NHSL2: variants seen among roughly 807,000 people sequenced by gnomAD.
NHSL2 encodes NHS-like protein 2.
Under a neutral mutation model 53.4 loss-of-function variants are expected in NHSL2, and 27 were observed. The ratio of observed to expected loss-of-function variants is 0.51; its 90% confidence interval spans 0.37 to 0.70. The LOEUF (loss-of-function observed/expected upper bound fraction) is 0.70. Among genes scored for constraint, NHSL2 ranks in the 30% least tolerant of loss-of-function variants. The pLI, the probability that NHSL2 is intolerant of heterozygous loss-of-function variation, is 0.00. For synonymous variants in NHSL2, 408 were observed against 404.1 expected, an observed-to-expected ratio of 1.01 and a Z score of -0.12; for missense variants, 892 against 980.1, an observed-to-expected ratio of 0.91 and a Z score of 1.20.
intron 1 of NHSL2, among the ~76,000 whole-genome samples, chrX:71,916,221 A>G (rs1228452880): frequency 8.9e-6 from 1 of 111,761 alleles, no homozygotes; most frequent in Non-Finnish European, 1.9e-5. Context: ...ATTTTCTGTT[A>G]TTCTAGTAGA....
chrX:72,011,909 A>G (rs1451885797), intron 1 of NHSL2, among the ~76,000 whole-genome samples: 1 of 111,686 alleles, frequency 9.0e-6, no homozygotes, highest in African/African-American at 3.3e-5. Context: ...TGCCATCTGT[A>G]TATCTTCTTC....
intron 1 of NHSL2, among the ~76,000 whole-genome samples, chrX:72,121,316 G>T: frequency 8.9e-6 from 1 of 111,913 alleles, no homozygotes; most frequent in Non-Finnish European, 1.9e-5. Flanking sequence ...GGGTGCTAGT[G>T]TGGAAACATT....
chrX:72,046,276 A>G (rs2042305153), intron 1 of NHSL2, among the ~76,000 whole-genome samples: 1 of 111,877 alleles, frequency 8.9e-6, no homozygotes, highest in Non-Finnish European at 1.9e-5. Context: ...AAAAGTACTA[A>G]ATGGCACTAG....
At chrX:71,998,421 A>G (rs1195156666) in intron 1 of NHSL2, among the ~76,000 whole-genome samples, 1 of 111,670 alleles carries the variant, frequency 9.0e-6, no homozygotes, top group East Asian at 2.8e-4. Context: ...AAGGCATCTG[A>G]GGTAGGAACA....
intron 1 of NHSL2, among the ~76,000 whole-genome samples, chrX:72,101,793 A>G (rs965024359): frequency 8.1e-5 from 9 of 110,846 alleles, no homozygotes; most frequent in African/African-American, 3.0e-4. Flanking sequence ...GCAGCCTAGA[A>G]ACTCTCAGTG....
At chrX:71,948,251 C>G (rs1170556685) in intron 1 of NHSL2, among the ~76,000 whole-genome samples, 1 of 111,896 alleles carries the variant, frequency 8.9e-6, no homozygotes, top group East Asian at 2.8e-4. Flanking sequence ...GGCAAATAAG[C>G]CCAGGATTTG....
At position 72,143,594 on chromosome X, in the gene NHSL2, G is replaced by C. The variant is rs1473217954; in HGVS notation, c.*20G>C. On this transcript the variant is annotated 3_prime_UTR_variant, in exon 8 of 8. Coordinates refer to ENST00000633930, the MANE Select transcript of NHSL2 (RefSeq NM_001013627.3). ...ACCTAAGCCCTGGGCTCAACAAGCA[G>C]GGTTTACTTACTAAACTTGAGTAGA... is the stretch of plus-strand genomic sequence containing the variant. 6.7e-6 allele frequency: 7 copies of C among 1,048,486 alleles called. No individual in the cohort carries two copies. The East Asian group carries it at 1.7e-4, about 25-fold the overall frequency. The allele number at this position is 1,048,486 out of a possible 1,213,427, so 86.4% of individuals were successfully genotyped here. A position where few individuals can be genotyped will look rare whatever the true frequency, so the allele number is the denominator to read the frequency against.
In NHSL2 at chrX:72,140,689, C is replaced by T. The variant is rs142614486; in HGVS notation, c.3141C>T (p.Ala1047=). The T allele has an allele frequency of 2.6e-3, 3,197 of 1,208,846 alleles. 4 individuals are homozygous for T. The highest frequency in any genetic ancestry group is 3.3e-3 in the Non-Finnish European group (2,928 of 893,913). The change falls in exon 6 of 8, where the codon GCC becomes GCT. Residue 1047 remains alanine, a synonymous_variant. Transcript: ENST00000633930. ...TGGAGGAAGACACCAAGTGTCCCGCCACCGGCGATGACCTGCAATCACTTG... is the reference window on the plus strand; with the variant it reads ...TGGAGGAAGACACCAAGTGTCCCGCTACCGGCGATGACCTGCAATCACTTG... ...ITLEEDTKCP[A]TGDDLQSLGQ...
At chrX:72,063,384 A>G (rs992513235) in intron 1 of NHSL2, among the ~76,000 whole-genome samples, 1 of 111,692 alleles carries the variant, frequency 9.0e-6, no homozygotes, top group East Asian at 2.8e-4. Context: ...TAAAAAATAA[A>G]CTTTGTATGG....
intron 1 of NHSL2, among the ~76,000 whole-genome samples, chrX:72,020,714 T>A (rs925745405): frequency 1.8e-5 from 2 of 112,690 alleles, no homozygotes; most frequent in Non-Finnish European, 3.8e-5. Flanking sequence ...CCCCTGCCGT[T>A]TTAAAGCTCC....
chrX:71,985,087 T>G (rs945196669), intron 1 of NHSL2, among the ~76,000 whole-genome samples: 1 of 111,741 alleles, frequency 8.9e-6, no homozygotes, highest in African/African-American at 3.3e-5. Context: ...CCTCCCAAAG[T>G]GCTGGGATTA....
At chrX:71,982,576 G>A (rs1452003747) in intron 1 of NHSL2, among the ~76,000 whole-genome samples, 1 of 111,773 alleles carries the variant, frequency 8.9e-6, no homozygotes, top group Non-Finnish European at 1.9e-5. Flanking sequence ...GGACGGGAGA[G>A]GGGCTGAAGG....
chrX:71,977,580 C>T (rs1210913765), intron 1 of NHSL2, among the ~76,000 whole-genome samples: 1 of 110,810 alleles, frequency 9.0e-6, no homozygotes, highest in East Asian at 2.8e-4. Context: ...GCCACCATGC[C>T]CAGCTAATTT....
At chrX:72,132,357 GACAAAGCAGTT>G in intron 2 of NHSL2, 123 bp downstream of exon 2, 1 of 660,950 alleles carries the variant, frequency 1.5e-6, no homozygotes, top group Non-Finnish European at 2.2e-6. Context: ...AAAAACAATC[GACAAAGCAGTT>G]TCCAGCTTTC....
At chrX:71,955,004 C>A (rs753354772) in intron 1 of NHSL2, among the ~76,000 whole-genome samples, 1 of 112,308 alleles carries the variant, frequency 8.9e-6, no homozygotes, top group South Asian at 3.7e-4. Context: ...AGCAGCCTTT[C>A]CAGTCTTGTG....
At chrX:72,054,371 C>T (rs1195245205) in intron 1 of NHSL2, among the ~76,000 whole-genome samples, 9 of 111,860 alleles carry the variant, frequency 8.0e-5, no homozygotes, top group Non-Finnish European at 1.1e-4. Context: ...CCCTGGGCCA[C>T]TTTAGCTGTT....
chrX:71,995,413 GC>G (rs1299815665), intron 1 of NHSL2, among the ~76,000 whole-genome samples: 1 of 64,230 alleles, frequency 1.6e-5, no homozygotes, highest in East Asian at 4.5e-4. Context: ...CCTTACAATG[GC>G]CCACAGGCCC....
chrX:71,927,805 C>A (rs991183529), intron 1 of NHSL2, among the ~76,000 whole-genome samples: 3 of 111,438 alleles, frequency 2.7e-5, no homozygotes, highest in African/African-American at 9.8e-5. Context: ...GTGATCCACC[C>A]GCCTCTGCCT....
chrX:71,912,970 G>A (rs903238416), intron 1 of NHSL2, among the ~76,000 whole-genome samples: 3 of 111,959 alleles, frequency 2.7e-5, no homozygotes, highest in Non-Finnish European at 5.6e-5. Context: ...CCTCTCCGGT[G>A]ATCTGCCAGG....
Sources: gnomAD v4.1 joint callset for allele counts (sites outside exome capture counted in the v4.1 genomes callset) on GRCh38, gnomAD v4.1.1 for gene constraint, MANE v1.5 for transcripts, NCBI Gene and HGNC (gene_info 2026-07-23, HGNC 2026-07-21) for gene names.